The following CXXC5 variants were observed in gnomAD, a reference collection of about 807,000 sequenced individuals.
CXXC5 encodes the protein CXXC finger protein 5, also known as CXXC-type zinc finger protein 5.
A neutral mutation model predicts 17.6 loss-of-function variants in CXXC5; 2 were observed. The ratio of observed to expected loss-of-function variants is 0.11; its 90% CI spans 0.05 to 0.36. The LOEUF (loss-of-function observed/expected upper bound fraction) is 0.36, where lower values mean the gene tolerates loss of function less well. Ranked by LOEUF, CXXC5 falls within the 10% of genes least tolerant of loss-of-function variation. The pLI, the probability that CXXC5 is intolerant of heterozygous loss-of-function variation, is 1.00. For missense variants in CXXC5, 343 were observed against 458.3 expected, an observed-to-expected ratio of 0.75 and a Z score of 2.30; for synonymous variants, 171 against 193.0, an observed-to-expected ratio of 0.89 and a Z score of 0.94.
At chr5:139,671,430 G>A (rs10040658) in intron 1 of CXXC5, among the ~76,000 whole-genome samples, 71,054 of 152,120 alleles carry the variant, frequency 0.47, 19,120 homozygotes, top group African/African-American at 0.74. Context: ...GACTGCCCCC[G>A]GGAGAGGAGC....
In CXXC5 at chr5:139,663,113, G is replaced by A. The variant is rs1755913470; in HGVS notation, c.-161+14268G>A. Reference sequence around the variant, plus strand: ...GGTACCTGAGTGAAGAGGCTGAGCTGGGGGCCAGGGGTTGGGGGAGGGATG... The same window carrying A: ...GGTACCTGAGTGAAGAGGCTGAGCTAGGGGCCAGGGGTTGGGGGAGGGATG... On this transcript the variant is annotated intron_variant, in intron 1 of 2. Coordinates refer to ENST00000302517, the MANE Select transcript of CXXC5 (RefSeq NM_016463.9). The surrounding 1 kb of genome is among the most constrained non-coding windows in gnomAD (Gnocchi z 4.2). Among the ~76,000 whole-genome samples, 1 of 152,124 alleles carries A rather than the reference G, an allele frequency of 6.6e-6. No homozygotes were observed. Among genetic ancestry groups the A allele is most frequent in the South Asian group, 2.1e-4 (1 of 4,822 alleles).
chr5:139,665,241 C>G (rs1283189382), intron 1 of CXXC5, among the ~76,000 whole-genome samples: 3 of 152,282 alleles, frequency 2.0e-5, no homozygotes, highest in Non-Finnish European at 4.4e-5. Flanking sequence ...GCTAATTAAT[C>G]TCAGCCCCTT....
rs778933533 is a variant in CXXC5 at position 139,681,190 on chromosome 5, A to G, written c.667A>G (p.Met223Val). Residue 223 changes from methionine (M) to valine (V), a missense_variant, in exon 2 of 3, where the codon ATG becomes GTG. By Grantham distance (21) the Met-to-Val change is conservative (BLOSUM62 1). Transcript: ENST00000302517. Reference sequence around the variant, plus strand: ...CCCCATCAACCCAGGCCTCTTCATTATGACCCCGGCAGGTGTGTTCCTGGC... The same window carrying G: ...CCCCATCAACCCAGGCCTCTTCATTGTGACCCCGGCAGGTGTGTTCCTGGC... The part of the protein sequence containing the change: ...AFPINPGLFI[M>V]TPAGVFLAES... 6.2e-7 allele frequency: 1 copy of G among 1,612,882 alleles called. No individual in the cohort carries two copies. Among genetic ancestry groups the G allele is most frequent in the South Asian group, 1.1e-5 (1 of 91,068 alleles).
At chr5:139,671,227 T>C (rs1756449320) in intron 1 of CXXC5, among the ~76,000 whole-genome samples, 1 of 152,170 alleles carries the variant, frequency 6.6e-6, no homozygotes, top group African/African-American at 2.4e-5. Context: ...ATGATGGGCT[T>C]GGTGGCTGCT....
At chr5:139,667,986 C>T (rs533958855) in intron 1 of CXXC5, among the ~76,000 whole-genome samples, 1 of 152,222 alleles carries the variant, frequency 6.6e-6, no homozygotes, top group South Asian at 2.1e-4. Flanking sequence ...AGTCAGCGCT[C>T]CAAGGAGAGG....
At position 139,668,470 on chromosome 5, in the gene CXXC5, C is replaced by T. The variant is rs1561540442; in HGVS notation, c.-160-11894C>T. On this transcript the variant is annotated intron_variant, in intron 1 of 2. Transcript: ENST00000302517. This position sits in a 1 kb window ranked among gnomAD's most constrained non-coding sequence, Gnocchi z 4.1. ...AATTAGGCCCGGCTACCTCCCGCGC[C>T]GCCCACTGCCCGCTCCAGGCCCGCT... Among the ~76,000 whole-genome samples, 1 of 152,022 alleles carries T rather than the reference C, an allele frequency of 6.6e-6. No homozygotes were observed. Among genetic ancestry groups the T allele is most frequent in the Admixed American group, 6.5e-5 (1 of 15,284 alleles).
At chr5:139,654,845 A>G (rs1173373862) in intron 1 of CXXC5, among the ~76,000 whole-genome samples, 1 of 152,144 alleles carries the variant, frequency 6.6e-6, no homozygotes, top group Admixed American at 6.5e-5. Context: ...AGGCTCAGGG[A>G]CAAGGGGACT....
At position 139,661,235 on chromosome 5, in the gene CXXC5, C is replaced by T. The variant is rs980985399; in HGVS notation, c.-161+12390C>T. On this transcript the variant is annotated intron_variant, in intron 1 of 2. Coordinates refer to ENST00000302517, the MANE Select transcript of CXXC5 (RefSeq NM_016463.9). The surrounding 1 kb of genome is among the most constrained non-coding windows in gnomAD (Gnocchi z 4.7). ...GCCCAGCAGAGCAGGGTGAGCTGGG[C>T]GGGCGGGCGGCAGGATTAGCTCAGG... Among the ~76,000 whole-genome samples the T allele has an allele frequency of 2.0e-5, 3 of 152,126 alleles. No homozygotes were observed. The highest frequency in any genetic ancestry group is 2.9e-5 in the Non-Finnish European group (2 of 67,984).
Position 139,661,793 on chromosome 5 carries a change from C to A in CXXC5, c.-161+12948C>A, listed in dbSNP as rs1210735954. ...CGGCCTTCAGCCATGTTGTGTCCAC[C>A]GGGTTCTGCAAGGTGTGGGTGGGGA... On this transcript the variant is annotated intron_variant, in intron 1 of 2. Coordinates refer to ENST00000302517, the MANE Select transcript of CXXC5 (RefSeq NM_016463.9). This position sits in a 1 kb window ranked among gnomAD's most constrained non-coding sequence, Gnocchi z 4.7. 6.6e-6 allele frequency among the ~76,000 whole-genome samples: 1 copy of A among 152,262 alleles called. No individual in the cohort carries two copies. Among genetic ancestry groups the A allele is most frequent in the Non-Finnish European group, 1.5e-5 (1 of 68,052 alleles).
intron 1 of CXXC5, among the ~76,000 whole-genome samples, chr5:139,656,965 T>C (rs1755527286): frequency 6.6e-6 from 1 of 152,222 alleles, no homozygotes; most frequent in South Asian, 2.1e-4. Context: ...CCTCAAGTGA[T>C]TCACCTGCCT....
rs549509057 is a variant in CXXC5, at chr5:139,668,828, T to C, written c.-160-11536T>C. Among the ~76,000 whole-genome samples, 110 of 152,314 alleles carry C rather than the reference T, an allele frequency of 7.2e-4. No homozygotes were observed. Among genetic ancestry groups the C allele is most frequent in the African/African-American group, 2.5e-3 (103 of 41,570 alleles). Reference sequence around the variant, plus strand: ...TTGCACTGAGCACGGATCCAGTTCCTCTTGGCTTTGCCACAAACACAGTGA... The same window carrying C: ...TTGCACTGAGCACGGATCCAGTTCCCCTTGGCTTTGCCACAAACACAGTGA... On this transcript the variant is annotated intron_variant, in intron 1 of 2. Transcript: ENST00000302517. This position sits in a 1 kb window ranked among gnomAD's most constrained non-coding sequence, Gnocchi z 4.1.
intron 1 of CXXC5, among the ~76,000 whole-genome samples, chr5:139,654,853 A>G (rs1381376202): frequency 1.3e-5 from 2 of 152,132 alleles, no homozygotes; most frequent in African/African-American, 4.8e-5. Flanking sequence ...GGACAAGGGG[A>G]CTGACCCAGG....
In CXXC5 at chr5:139,683,607, A is replaced by G. The variant is rs1480713247; in HGVS notation, c.*700A>G. 1 of 152,448 alleles carries G rather than the reference A, an allele frequency of 6.6e-6. No individual in the cohort carries two copies. The highest frequency in any genetic ancestry group is 1.5e-5 in the Non-Finnish European group (1 of 68,028). 9.4% of individuals were successfully genotyped at this position (152,448 alleles called of 1,614,324 possible). On this transcript the variant is annotated 3_prime_UTR_variant, in exon 3 of 3. Transcript: ENST00000302517. ...AAAAAAATGAAAGTTCTGTTCGTTT[A>G]TCCATTGCGATCTGGGGAGCCCCAT...
At chr5:139,648,067 T>G (rs1430989908), upstream of CXXC5, 1 of 150,154 alleles carries the variant, frequency 6.7e-6, no homozygotes. Context: ...TTTTTTTTTT[T>G]GTAAAGTTGC....
At chr5:139,650,192 A>G (rs931217434) in intron 1 of CXXC5, among the ~76,000 whole-genome samples, 4 of 152,192 alleles carry the variant, frequency 2.6e-5, no homozygotes, top group African/African-American at 9.7e-5. Flanking sequence ...TCATTCGGAA[A>G]GACCCGCTCC....
At chr5:139,681,611 T>C (rs1267037484) in intron 2 of CXXC5, 164 bp downstream of exon 2, 1 of 799,496 alleles carries the variant, frequency 1.3e-6, no homozygotes, top group Non-Finnish European at 1.9e-6. Context: ...ACCAGTTTAC[T>C]GCCCCAAAAG....
At chr5:139,676,767 G>T (rs1355811247) in intron 1 of CXXC5, among the ~76,000 whole-genome samples, 1 of 151,170 alleles carries the variant, frequency 6.6e-6, no homozygotes, top group Non-Finnish European at 1.5e-5. Flanking sequence ...TGGACAAGGT[G>T]TCCTGGGTCC....
intron 1 of CXXC5, among the ~76,000 whole-genome samples, chr5:139,660,553 C>T (rs1185099883): frequency 1.3e-5 from 2 of 152,156 alleles, no homozygotes; most frequent in Non-Finnish European, 2.9e-5. Context: ...GGTCTACACT[C>T]CAAAAGCACC....
intron 1 of CXXC5, among the ~76,000 whole-genome samples, chr5:139,667,370 A>G (rs1459722772): frequency 1.3e-5 from 2 of 152,128 alleles, no homozygotes; most frequent in Non-Finnish European, 2.9e-5. Flanking sequence ...GTGTCCCTAC[A>G]CTGGGAGCTC....
Sources: gnomAD v4.1 joint callset for allele counts (sites outside exome capture counted in the v4.1 genomes callset) on GRCh38, gnomAD v4.1.1 for gene constraint, Gnocchi (gnomAD v3.1) non-coding constraint, MANE v1.5 for transcripts, NCBI Gene and HGNC (gene_info 2026-07-23, HGNC 2026-07-21) for gene names.